Variants in PSD3 observed in about 807,000 individuals in gnomAD.
The protein encoded by PSD3 is pleckstrin and Sec7 domain containing 3.
A neutral mutation model predicts 105.5 loss-of-function variants in PSD3; 49 were observed. The ratio of observed to expected loss-of-function variants is 0.46; its 90% CI spans 0.37 to 0.59. The LOEUF is 0.59. Among genes scored for constraint, PSD3 ranks in the 20% least tolerant of loss-of-function variants. The pLI is 0.00. For missense variants in PSD3, 1,561 were observed against 1,263.8 expected (o/e 1.24, Z -3.57); for synonymous variants, 557 against 457.8 (o/e 1.22, Z -2.77).
At chr8:18,968,031 A>C (rs772486318) in intron 1 of PSD3, among the ~76,000 whole-genome samples, 41 of 151,748 alleles carry the variant, frequency 2.7e-4, no homozygotes, top group Non-Finnish European at 5.4e-4. Context: ...CTCACTGAGC[A>C]CTCTGACCAC....
At chr8:18,774,961 G>C (rs1217674989) in intron 8 of PSD3, 1 of 456,054 alleles carries the variant, frequency 2.2e-6, no homozygotes, top group Non-Finnish European at 4.4e-6. Context: ...CCGAGGGAAA[G>C]AGAAAAGTGC....
chr8:18,636,134 A>T (rs1484219573), intron 10 of PSD3, among the ~76,000 whole-genome samples: 1 of 152,100 alleles, frequency 6.6e-6, no homozygotes, highest in Non-Finnish European at 1.5e-5. Flanking sequence ...GTGGGACAAT[A>T]CATGAGGCGA....
At chr8:18,996,320 G>A (rs1276975373) in intron 1 of PSD3, among the ~76,000 whole-genome samples, 1 of 151,952 alleles carries the variant, frequency 6.6e-6, no homozygotes, top group Non-Finnish European at 1.5e-5. Flanking sequence ...CATGTGGACA[G>A]AGTGTACCTC....
intron 4 of PSD3, chr8:18,865,311 A>G (rs1816844908): frequency 1.5e-5 from 1 of 67,854 alleles, no homozygotes; most frequent in Non-Finnish European, 3.5e-5. Flanking sequence ...TTTTTTTTTA[A>G]AGGCTATCTG....
intron 2 of PSD3, among the ~76,000 whole-genome samples, chr8:18,926,371 A>C (rs1014455118): frequency 3.3e-5 from 5 of 151,692 alleles, no homozygotes; most frequent in Non-Finnish European, 5.9e-5. Context: ...TCATGTTTAG[A>C]CTTGGGTGTC....
chr8:18,743,202 A>C (rs112996482), intron 9 of PSD3, among the ~76,000 whole-genome samples: 2,179 of 152,258 alleles, frequency 0.014, 23 homozygotes, highest in African/African-American at 0.026. Flanking sequence ...ACAGCGAAAA[A>C]AGCATACAAT....
intron 2 of PSD3, among the ~76,000 whole-genome samples, chr8:18,905,037 A>G (rs1819749826): frequency 6.6e-6 from 1 of 152,176 alleles, no homozygotes; most frequent in Non-Finnish European, 1.5e-5. Flanking sequence ...ACCATATTAA[A>G]TTATAAGAAA....
intron 1 of PSD3, among the ~76,000 whole-genome samples, chr8:19,019,565 C>A (rs914088202): frequency 1.3e-5 from 2 of 152,126 alleles, no homozygotes; most frequent in Non-Finnish European, 2.9e-5. Context: ...GAATACAGAA[C>A]ATAAGTGCCA....
chr8:18,765,326 TCAC>T, intron 9 of PSD3, 120 bp downstream of exon 9: 1 of 792,552 alleles, frequency 1.3e-6, no homozygotes, highest in Non-Finnish European at 2.1e-6. Flanking sequence ...AAAAGAAACA[TCAC>T]CAATAAAACC....
chr8:18,915,241 A>C (rs950960377), intron 2 of PSD3, among the ~76,000 whole-genome samples: 11 of 152,164 alleles, frequency 7.2e-5, no homozygotes, highest in African/African-American at 2.7e-4. Context: ...CAAAACTACT[A>C]GAATAAAACA....
At chr8:18,578,605 AT>A (rs1407660270) in intron 12 of PSD3, among the ~76,000 whole-genome samples, 8 of 152,118 alleles carry the variant, frequency 5.3e-5, no homozygotes, top group Non-Finnish European at 1.0e-4. Flanking sequence ...ATTGGTAGCT[AT>A]TACTATTGAA....
Position 18,845,773 on chromosome 8 carries a change from C to A in PSD3, c.1634+21901G>T, listed in dbSNP as rs968220398. Among the ~76,000 whole-genome samples the A allele has an allele frequency of 9.2e-5, 14 of 151,884 alleles. 1 individual carries two copies. The highest frequency in any genetic ancestry group is 8.5e-4 in the Admixed American group (13 of 15,254). On this transcript the variant is annotated intron_variant, in intron 4 of 15. Coordinates refer to ENST00000327040, the MANE Select transcript of PSD3 (RefSeq NM_015310.4). ...ACAACATAGCAAGACCCCACCTCTA[C>A]AAAAAAAATTAAAATAAATGGCGGA...
chr8:18,722,073 C>T (rs1803014445), intron 9 of PSD3, among the ~76,000 whole-genome samples: 1 of 151,802 alleles, frequency 6.6e-6, no homozygotes, highest in African/African-American at 2.4e-5. Flanking sequence ...TTGTTTTTAA[C>T]AGTAAAAATT....
At chr8:18,854,136 A>C (rs1815809694) in intron 4 of PSD3, 1 of 152,380 alleles carries the variant, frequency 6.6e-6, no homozygotes, top group Non-Finnish European at 1.5e-5. Flanking sequence ...TTTGTCAGGA[A>C]TTGAAGAGCA....
At chr8:18,691,258 C>T (rs901179440) in intron 9 of PSD3, among the ~76,000 whole-genome samples, 15 of 152,134 alleles carry the variant, frequency 9.9e-5, no homozygotes, top group Non-Finnish European at 2.2e-4. Flanking sequence ...CATTTTTTCC[C>T]CCTCATGAAC....
chr8:18,632,747 G>C lies in PSD3; in HGVS notation c.2276C>G (p.Thr759Arg). Reference protein sequence around the residue: ...SESTEEKANGTHPKTISRIGS... With the variant: ...SESTEEKANGRHPKTISRIGS... ...AATACGACTGATGGTCTTTGGATGT[G>C]TTCCGTTAGCTTTCTCCTCAGTACT... The change falls in exon 11 of 16, where the codon ACA (threonine) becomes AGA (arginine). Residue 759 changes from threonine to arginine, a missense_variant. By Grantham distance (71) the Thr-to-Arg change is moderately conservative. Transcript: ENST00000327040. The C allele has an allele frequency of 6.2e-7, 1 of 1,606,532 alleles. No individual in the cohort carries two copies. The highest frequency in any genetic ancestry group is 1.1e-5 in the South Asian group (1 of 90,812).
At chr8:18,594,919 G>C (rs1428677666) in intron 12 of PSD3, among the ~76,000 whole-genome samples, 1 of 151,894 alleles carries the variant, frequency 6.6e-6, no homozygotes, top group Non-Finnish European at 1.5e-5. Flanking sequence ...TCAATCTCAG[G>C]TTGGTTGAAT....
At chr8:18,743,959 TCACCACCAC>T (rs111311023) in intron 9 of PSD3, among the ~76,000 whole-genome samples, 3,267 of 138,774 alleles carry the variant, frequency 0.024, 64 homozygotes, top group African/African-American at 0.028. Context: ...ACTCTGTCTC[TCACCACCAC>T]CACCACCACC....
At chr8:18,798,408 C>A (rs536698928) in intron 8 of PSD3, among the ~76,000 whole-genome samples, 4 of 152,196 alleles carry the variant, frequency 2.6e-5, no homozygotes, top group Admixed American at 2.6e-4. Flanking sequence ...CTCCCTGAAC[C>A]CCTTCCTCTT....
Sources: gnomAD v4.1 joint callset for allele counts (sites outside exome capture counted in the v4.1 genomes callset) on GRCh38, gnomAD v4.1.1 for gene constraint, MANE v1.5 for transcripts, NCBI Gene and HGNC (gene_info 2026-07-23, HGNC 2026-07-21) for gene names.